Variants in USP46 observed in about 807,000 individuals in gnomAD.
USP46 encodes the protein ubiquitin carboxyl-terminal hydrolase 46.
In USP46, 12 loss-of-function variants were observed where a neutral mutation model predicts 44.4. The observed-to-expected ratio is 0.27, with a 90% CI of 0.17 to 0.44. USP46 has a LOEUF of 0.44. Among genes scored for constraint, USP46 ranks in the 20% least tolerant of loss-of-function variants. USP46 has a pLI of 1.00. For synonymous variants in USP46, 155 were observed against 161.5 expected, an observed-to-expected ratio of 0.96 and a Z score of 0.31; for missense variants, 248 against 444.8, an observed-to-expected ratio of 0.56 and a Z score of 3.98.
chr4:52,647,232 A>T (rs1336485501), intron 1 of USP46, among the ~76,000 whole-genome samples: 1 of 152,170 alleles, frequency 6.6e-6, no homozygotes, highest in Non-Finnish European at 1.5e-5. Context: ...ATCAGGGTAT[A>T]CTCTATGTAC....
chr4:52,649,720 A>G (rs1461785991), intron 1 of USP46, among the ~76,000 whole-genome samples: 2 of 152,244 alleles, frequency 1.3e-5, no homozygotes, highest in Admixed American at 6.5e-5. Context: ...TTCATTTATC[A>G]ATATTTATTT....
intron 5 of USP46, among the ~76,000 whole-genome samples, chr4:52,608,490 G>T: frequency 6.6e-6 from 1 of 152,224 alleles, no homozygotes. Context: ...AGCCTCCCAG[G>T]AGCTGAGGAG....
intron 1 of USP46, among the ~76,000 whole-genome samples, chr4:52,648,753 G>A (rs945467174): frequency 4.6e-5 from 7 of 152,154 alleles, no homozygotes; most frequent in Non-Finnish European, 7.4e-5. Flanking sequence ...ATGAGGCAGG[G>A]AAACCCAGTT....
intron 4 of USP46, among the ~76,000 whole-genome samples, chr4:52,616,615 C>T (rs1378964360): frequency 2.6e-5 from 4 of 152,146 alleles, no homozygotes; most frequent in African/African-American, 4.8e-5. Flanking sequence ...TCAGGTGATC[C>T]GCCCGCCTCA....
At chr4:52,608,638 A>T (rs1319421422) in intron 5 of USP46, among the ~76,000 whole-genome samples, 2 of 152,156 alleles carry the variant, frequency 1.3e-5, no homozygotes, top group Non-Finnish European at 2.9e-5. Flanking sequence ...CCCAATGCCC[A>T]ATCCCGCACC....
intron 3 of USP46, among the ~76,000 whole-genome samples, chr4:52,626,966 C>G (rs1717617538): frequency 6.6e-6 from 1 of 152,046 alleles, no homozygotes; most frequent in Non-Finnish European, 1.5e-5. Flanking sequence ...CATATTAAAC[C>G]CTGGACCAGC....
chr4:52,650,789 C>T (rs1718728468), intron 1 of USP46, among the ~76,000 whole-genome samples: 1 of 152,022 alleles, frequency 6.6e-6, no homozygotes, highest in Non-Finnish European at 1.5e-5. Flanking sequence ...CAAAACCTGG[C>T]TATTTAATAC....
intron 1 of USP46, among the ~76,000 whole-genome samples, chr4:52,636,808 C>CT (rs201531652): frequency 3.6e-4 from 50 of 139,950 alleles, no homozygotes; most frequent in South Asian, 2.9e-3. Flanking sequence ...ATAATAAAAT[C>CT]TTTTTTTTTT....
intron 2 of USP46, among the ~76,000 whole-genome samples, chr4:52,630,492 C>T (rs1452487359): frequency 1.3e-5 from 2 of 152,196 alleles, no homozygotes; most frequent in East Asian, 1.9e-4. Context: ...CAGTGGCTCA[C>T]ACCTGTAATC....
chr4:52,636,903 A>G (rs1376883693), intron 1 of USP46, among the ~76,000 whole-genome samples: 1 of 151,318 alleles, frequency 6.6e-6, no homozygotes, highest in East Asian at 2.0e-4. Flanking sequence ...TTGACCTCCC[A>G]GGCTCAAGCG....
chr4:52,628,364 T>G, intron 2 of USP46: 1 of 555,368 alleles, frequency 1.8e-6, no homozygotes, highest in Non-Finnish European at 3.2e-6. Context: ...TGAAGAAAAA[T>G]GCACATCATT....
chr4:52,600,012 T>A (rs990438582), intron 7 of USP46, among the ~76,000 whole-genome samples: 1 of 152,198 alleles, frequency 6.6e-6, no homozygotes, highest in African/African-American at 2.4e-5. Context: ...CACCTGAAGA[T>A]GTATCTCCCA....
intron 4 of USP46, among the ~76,000 whole-genome samples, chr4:52,623,218 G>GA (rs1560400781): frequency 6.6e-6 from 1 of 152,116 alleles, no homozygotes; most frequent in East Asian, 1.9e-4. Flanking sequence ...AGGATGGTGA[G>GA]AAGGAGTACA....
In USP46 at chr4:52,640,630, G is replaced by T. The variant is rs561346114; in HGVS notation, c.37-9486C>A. Among the ~76,000 whole-genome samples the T allele has an allele frequency of 9.9e-5, 15 of 151,524 alleles. No individual in the cohort carries two copies. In the South Asian group the frequency reaches 3.1e-3, roughly 32 times the overall value. On this transcript the variant is annotated intron_variant, in intron 1 of 8. Coordinates refer to ENST00000441222, the MANE Select transcript of USP46 (RefSeq NM_022832.4). ...AGCCTGACCAACATGGAGAAACTCT[G>T]TCTCTACTTAAAAAAAAAATACAAA...
chr4:52,644,970 T>C (rs1356009486), intron 1 of USP46, among the ~76,000 whole-genome samples: 1 of 151,942 alleles, frequency 6.6e-6, no homozygotes, highest in East Asian at 1.9e-4. Context: ...GGCAGGAGAA[T>C]TGCTTGAACC....
chr4:52,659,196 G>C lies in USP46; in HGVS notation c.-46C>G. On this transcript the variant is annotated 5_prime_UTR_variant, in exon 1 of 9. Coordinates refer to ENST00000441222, the MANE Select transcript of USP46 (RefSeq NM_022832.4). This position sits in a 1 kb window ranked among gnomAD's most constrained non-coding sequence, Gnocchi z 4.2. ...TCCCTCACCGCCATCTTTACAAGGG[G>C]AAACCGGGACTGCCCATGGTGGCGC... 1 of 1,510,766 alleles carries C rather than the reference G, an allele frequency of 6.6e-7. No homozygotes were observed. Among genetic ancestry groups the C allele is most frequent in the Non-Finnish European group, 8.9e-7 (1 of 1,127,132 alleles). 93.6% of individuals were successfully genotyped at this position (1,510,766 alleles called of 1,614,324 possible). A position where few individuals can be genotyped will look rare whatever the true frequency, so the allele number is the denominator to read the frequency against.
At chr4:52,597,884 G>A in intron 8 of USP46, 143 bp from the exon 9 acceptor site, 1 of 650,766 alleles carries the variant, frequency 1.5e-6, no homozygotes, top group Non-Finnish European at 2.5e-6. Context: ...ATAGCAAATG[G>A]AGAATTCCAC....
intron 4 of USP46, among the ~76,000 whole-genome samples, chr4:52,613,441 C>T (rs541138805): frequency 8.5e-5 from 13 of 152,076 alleles, no homozygotes; most frequent in South Asian, 2.1e-4. Flanking sequence ...TAACAGAATC[C>T]GGCCGGGTGT....
At chr4:52,651,325 A>C (rs1463138926) in intron 1 of USP46, among the ~76,000 whole-genome samples, 2 of 152,070 alleles carry the variant, frequency 1.3e-5, no homozygotes, top group Non-Finnish European at 2.9e-5. Flanking sequence ...GGGAACACTA[A>C]TTTAAAAGGC....
Sources: allele counts gnomAD v4.1 joint callset (sites outside exome capture counted in the v4.1 genomes callset), GRCh38; gene constraint gnomAD v4.1.1; non-coding constraint Gnocchi (gnomAD v3.1); transcripts MANE v1.5; gene names NCBI Gene and HGNC (gene_info 2026-07-23, HGNC 2026-07-21).